Variants in ALG6 observed in about 807,000 individuals in gnomAD.
ALG6 encodes dolichyl pyrophosphate Man9GlcNAc2 alpha-1,3-glucosyltransferase.
A neutral mutation model predicts 66.6 loss-of-function variants in ALG6; 46 were observed. The observed-to-expected ratio is 0.69, with a 90% confidence interval of 0.55 to 0.88. The LOEUF is 0.88. Ranked by LOEUF, ALG6 falls within the 40% of genes least tolerant of loss-of-function variation. ALG6 has a pLI of 0.00. For synonymous variants in ALG6, 185 were observed against 203.7 expected, an observed-to-expected ratio of 0.91 and a Z score of 0.78; for missense variants, 505 against 586.8, an observed-to-expected ratio of 0.86 and a Z score of 1.44.
intron 12 of ALG6, among the ~76,000 whole-genome samples, chr1:63,421,367 G>A (rs1341819130): frequency 1.3e-5 from 2 of 152,144 alleles, no homozygotes; most frequent in Non-Finnish European, 1.5e-5. Context: ...CTTTTATACT[G>A]TTGGTGGGAG....
At chr1:63,393,155 C>A (rs1231437904) in intron 2 of ALG6, among the ~76,000 whole-genome samples, 1 of 152,114 alleles carries the variant, frequency 6.6e-6, no homozygotes, top group Non-Finnish European at 1.5e-5. Context: ...CTTTCCACCC[C>A]CAAAGAAGCC....
chr1:63,436,283 AAT>A (rs1362007950), intron 14 of ALG6, among the ~76,000 whole-genome samples: 2 of 152,146 alleles, frequency 1.3e-5, no homozygotes, highest in African/African-American at 2.4e-5. Context: ...TTACCTTAAA[AAT>A]ATGTCTTTAT....
intron 7 of ALG6, among the ~76,000 whole-genome samples, chr1:63,409,727 T>C (rs1644507077): frequency 6.6e-6 from 1 of 152,208 alleles, no homozygotes; most frequent in East Asian, 1.9e-4. Flanking sequence ...GTGTATCTAT[T>C]TTTATTTAAG....
Position 63,436,940 on chromosome 1 carries a change from T to G in ALG6, c.1444T>G (p.Phe482Val), listed in dbSNP as rs1215619833. The change falls in exon 15 of 15, where the codon TTC becomes GTC. Residue 482 changes from phenylalanine to valine, a missense_variant. By Grantham distance (50) the Phe-to-Val change is conservative (BLOSUM62 -1). Transcript: ENST00000263440. ...GGTGTGTTTTGTATCTTGCTTGAAC[T>G]TCCTGTTCTTCTTGGTATACTTTAA... ...VLVCFVSCLN[F>V]LFFLVYFNII... is the part of the protein sequence containing the mutation. The G allele has an allele frequency of 6.8e-6, 11 of 1,613,734 alleles. No individual in the cohort carries two copies. Among genetic ancestry groups the G allele is most frequent in the Non-Finnish European group, 9.3e-6 (11 of 1,179,792 alleles).
At chr1:63,430,058 T>C (rs1255897975) in intron 14 of ALG6, among the ~76,000 whole-genome samples, 1 of 152,088 alleles carries the variant, frequency 6.6e-6, no homozygotes, top group Admixed American at 6.5e-5. Context: ...AAATTTTGTA[T>C]TTTTAGTAGA....
At chr1:63,426,192 G>T (rs559826770) in intron 12 of ALG6, among the ~76,000 whole-genome samples, 1 of 152,130 alleles carries the variant, frequency 6.6e-6, no homozygotes, top group Non-Finnish European at 1.5e-5. Context: ...GGGAATAATC[G>T]GGGATAAAGT....
intron 2 of ALG6, among the ~76,000 whole-genome samples, chr1:63,382,140 A>G (rs1648333393): frequency 1.3e-5 from 2 of 151,552 alleles, no homozygotes; most frequent in South Asian, 4.1e-4. Context: ...GTACATATTC[A>G]TGGGTCACAT....
At chr1:63,388,172 G>A (rs1251689460) in intron 2 of ALG6, among the ~76,000 whole-genome samples, 2 of 151,816 alleles carry the variant, frequency 1.3e-5, no homozygotes, top group Non-Finnish European at 2.9e-5. Context: ...GCCCACCTTG[G>A]CCTCCCAAAG....
intron 14 of ALG6, 129 bp from the exon 15 acceptor site, chr1:63,436,694 T>C (rs1644680323): frequency 6.9e-6 from 6 of 875,538 alleles, no homozygotes; most frequent in African/African-American, 1.7e-5. Flanking sequence ...AAAGTTGAGA[T>C]ACACCAGAAT....
chr1:63,388,420 A>T (rs1318093147), intron 2 of ALG6, among the ~76,000 whole-genome samples: 1 of 152,222 alleles, frequency 6.6e-6, no homozygotes. Context: ...TAAGCTAATG[A>T]TTACTTAATA....
At chr1:63,403,059 C>T (rs368898357) in intron 4 of ALG6, among the ~76,000 whole-genome samples, 3 of 119,416 alleles carry the variant, frequency 2.5e-5, no homozygotes. Context: ...CACGCCACTG[C>T]ATTCCATCCT....
chr1:63,378,031 A>G (rs549877401), intron 2 of ALG6, among the ~76,000 whole-genome samples: 131 of 152,338 alleles, frequency 8.6e-4, no homozygotes, highest in Non-Finnish European at 1.7e-3. Context: ...GTTGTGAGCC[A>G]CTGTGCCCTG....
intron 2 of ALG6, among the ~76,000 whole-genome samples, chr1:63,393,938 AG>A (rs1270099478): frequency 2.6e-5 from 4 of 152,218 alleles, no homozygotes; most frequent in Non-Finnish European, 5.9e-5. Context: ...AGAGAGACAG[AG>A]ACCCACACAC....
intron 7 of ALG6, among the ~76,000 whole-genome samples, chr1:63,408,872 T>G (rs1252462831): frequency 6.6e-6 from 1 of 152,200 alleles, no homozygotes; most frequent in Non-Finnish European, 1.5e-5. Flanking sequence ...CTCTGCCTCC[T>G]GGGTTCAAAC....
At position 63,437,974 on chromosome 1, in the gene ALG6, A is replaced by G. The variant is rs1479603306; in HGVS notation, c.*954A>G. ...AAATAATACATGATATCCATGTTGCAGTTTCTCATATAAAGATATGTTTTC... is the reference window on the plus strand; with the variant it reads ...AAATAATACATGATATCCATGTTGCGGTTTCTCATATAAAGATATGTTTTC... On this transcript the variant is annotated 3_prime_UTR_variant, in exon 15 of 15. Coordinates refer to ENST00000263440, the MANE Select transcript of ALG6 (RefSeq NM_013339.4). The G allele has an allele frequency of 6.6e-6, 1 of 152,188 alleles. No individual in the cohort carries two copies. The highest frequency in any genetic ancestry group is 1.9e-4 in the East Asian group (1 of 5,206). The allele number at this position is 152,188 out of a possible 1,614,324, so 9.4% of individuals were successfully genotyped here.
At chr1:63,416,448 C>T (rs1644546311) in intron 11 of ALG6, among the ~76,000 whole-genome samples, 1 of 150,482 alleles carries the variant, frequency 6.6e-6, no homozygotes, top group Non-Finnish European at 1.5e-5. Flanking sequence ...AGTTGAAGGT[C>T]CAGAGGTGGG....
chr1:63,422,897 G>T (rs1644595574), intron 12 of ALG6, among the ~76,000 whole-genome samples: 1 of 152,044 alleles, frequency 6.6e-6, no homozygotes, highest in Non-Finnish European at 1.5e-5. Flanking sequence ...GGAGGTTGCG[G>T]TGAGCCAAGA....
Position 63,393,305 on chromosome 1 carries a change from G to T in ALG6, c.83-3208G>T, listed in dbSNP as rs932323341. The stretch of plus-strand genomic sequence containing the variant: ...TTTTCTTAAAAAAATTTTTATTATT[G>T]TAGGTTATTCTTCCTCTCCAGTTTA... On this transcript the variant is annotated intron_variant, in intron 2 of 14. Transcript: ENST00000263440. 3.9e-5 allele frequency among the ~76,000 whole-genome samples: 6 copies of T among 152,230 alleles called. No individual in the cohort carries two copies. In the South Asian group the frequency reaches 1.0e-3, roughly 26 times the overall value.
At position 63,437,540 on chromosome 1, in the gene ALG6, G is replaced by T; in HGVS notation, c.*520G>T. The T allele has an allele frequency of 6.5e-6, 1 of 153,138 alleles. No homozygotes were observed. Among genetic ancestry groups the T allele is most frequent in the Non-Finnish European group, 1.5e-5 (1 of 68,734 alleles). 9.5% of individuals were successfully genotyped at this position (153,138 alleles called of 1,614,324 possible). A position where few individuals can be genotyped will look rare whatever the true frequency, so the allele number is the denominator to read the frequency against. On this transcript the variant is annotated 3_prime_UTR_variant, in exon 15 of 15. Transcript: ENST00000263440. ...TCATATCTTAGGGAATTAAATTTGT[G>T]ATAATCTTTTTAATTACTGAGAAGG...
Sources: gnomAD v4.1 joint callset for allele counts (sites outside exome capture counted in the v4.1 genomes callset) on GRCh38, gnomAD v4.1.1 for gene constraint, MANE v1.5 for transcripts, NCBI Gene and HGNC (gene_info 2026-07-23, HGNC 2026-07-21) for gene names.